Variants in OSBPL6 observed in about 807,000 individuals in gnomAD.
OSBPL6 encodes oxysterol binding protein like 6.
OSBPL6 carries 49 observed loss-of-function variants against 125.8 expected under a neutral mutation model. That is an observed-to-expected ratio of 0.39 (90% CI 0.31 to 0.49). The LOEUF (loss-of-function observed/expected upper bound fraction) is 0.49. OSBPL6 is among the 20% of genes least tolerant of loss of function. The probability of loss-of-function intolerance (pLI) is 0.88; values close to 1 mark genes in which losing one functional copy is unlikely to be tolerated. For missense variants in OSBPL6, 986 were observed against 1,135.4 expected, an observed-to-expected ratio of 0.87 and a Z score of 1.89; for synonymous variants, 394 against 391.8, an observed-to-expected ratio of 1.01 and a Z score of -0.07.
intron 1 of OSBPL6, among the ~76,000 whole-genome samples, chr2:178,227,127 A>G (rs964235822): frequency 1.3e-5 from 2 of 152,252 alleles, no homozygotes; most frequent in East Asian, 1.9e-4. Flanking sequence ...ACAACCCACT[A>G]GAAAAATGGA....
At chr2:178,288,948 C>T (rs1045214614) in intron 2 of OSBPL6, among the ~76,000 whole-genome samples, 1 of 151,406 alleles carries the variant, frequency 6.6e-6, no homozygotes, top group Non-Finnish European at 1.5e-5. Flanking sequence ...CCGTGCCCGG[C>T]CAGGGACGTT....
upstream of OSBPL6, among the ~76,000 whole-genome samples, chr2:178,194,021 G>T (rs117716086): frequency 7.9e-3 from 1,206 of 152,346 alleles, 24 homozygotes; most frequent in East Asian, 0.076. Flanking sequence ...CCAGGCAGCC[G>T]TTCCTTTCGG....
At chr2:178,378,562 C>T (rs1188098959) in intron 15 of OSBPL6, among the ~76,000 whole-genome samples, 2 of 152,204 alleles carry the variant, frequency 1.3e-5, no homozygotes, top group African/African-American at 4.8e-5. Flanking sequence ...ATGCTGCATG[C>T]CTGGTCACAT....
chr2:178,386,718 C>T (rs1020010976), intron 19 of OSBPL6, among the ~76,000 whole-genome samples: 1 of 124,178 alleles, frequency 8.1e-6, no homozygotes, highest in South Asian at 2.6e-4. Context: ...TGAATACACA[C>T]ACACAGACAC....
At chr2:178,223,919 T>C (rs1348617531) in intron 1 of OSBPL6, among the ~76,000 whole-genome samples, 1 of 152,230 alleles carries the variant, frequency 6.6e-6, no homozygotes, top group African/African-American at 2.4e-5. Flanking sequence ...GGTTGGCTAG[T>C]GTGACCTTCA....
chr2:178,261,437 T>C (rs540611452), intron 1 of OSBPL6, among the ~76,000 whole-genome samples: 28 of 145,578 alleles, frequency 1.9e-4, no homozygotes, highest in African/African-American at 6.2e-4. Flanking sequence ...GAGAACTAAC[T>C]AAAAAATGAT....
intron 15 of OSBPL6, among the ~76,000 whole-genome samples, chr2:178,378,982 C>T (rs1199414436): frequency 7.2e-5 from 11 of 151,864 alleles, no homozygotes; most frequent in Non-Finnish European, 4.4e-5. Context: ...CCGGGCAATA[C>T]AGGGAGCCCC....
Position 178,355,085 on chromosome 2 carries a change from C to G in OSBPL6, c.1153+5696C>G, listed in dbSNP as rs553865804. Among the ~76,000 whole-genome samples, 9 of 152,222 alleles carry G rather than the reference C, an allele frequency of 5.9e-5. No homozygotes were observed. The South Asian group carries it at 1.9e-3, about 32-fold the overall frequency. ...CAGAATCTCTGGGACACATTTAAAG[C>G]AGTATGTAGAGGGAAATTTATAGCA... is the stretch of plus-strand genomic sequence containing the variant. On this transcript the variant is annotated intron_variant, in intron 12 of 24. Coordinates refer to ENST00000190611, the MANE Select transcript of OSBPL6 (RefSeq NM_032523.4).
At chr2:178,373,847 C>T in intron 14 of OSBPL6, 43 bp from the exon 15 acceptor site, 3 of 1,607,314 alleles carry the variant, frequency 1.9e-6, no homozygotes, top group Non-Finnish European at 1.7e-6. Context: ...GCTATTCTAA[C>T]AGGGAGAAAA....
At chr2:178,293,512 TG>T (rs1226567270) in intron 2 of OSBPL6, among the ~76,000 whole-genome samples, 2 of 152,306 alleles carry the variant, frequency 1.3e-5, no homozygotes, top group South Asian at 2.1e-4. Flanking sequence ...GATTAATTTT[TG>T]TGGGTATGTA....
chr2:178,295,093 A>G (rs1265524027), intron 2 of OSBPL6, among the ~76,000 whole-genome samples: 3 of 152,130 alleles, frequency 2.0e-5, no homozygotes, highest in African/African-American at 4.8e-5. Flanking sequence ...TATCTTATTA[A>G]TATTTTTCAA....
chr2:178,302,801 GT>G (rs1478032421), intron 2 of OSBPL6, among the ~76,000 whole-genome samples: 3 of 152,170 alleles, frequency 2.0e-5, no homozygotes, highest in African/African-American at 7.2e-5. Context: ...TAGCATTGAT[GT>G]TAATGAAAAA....
intron 3 of OSBPL6, among the ~76,000 whole-genome samples, chr2:178,322,742 C>T (rs1353605192): frequency 6.6e-6 from 1 of 152,004 alleles, no homozygotes; most frequent in Admixed American, 6.6e-5. Flanking sequence ...ACGTTGGAAA[C>T]TTCTTTTCCT....
rs550705382 is a variant in OSBPL6, at chr2:178,229,883, ACT to A, written c.-351+35212_-351+35213del. On this transcript the variant is annotated intron_variant, in intron 1 of 24. Transcript: ENST00000190611. ...AAGAAATGCAAATAGCAACTCAGAC[ACT>A]CTGGATGTGGGCCCAGTCATCTGAG... is the stretch of plus-strand genomic sequence containing the variant. Among the ~76,000 whole-genome samples, 239 of 152,130 alleles carry A rather than the reference ACT, an allele frequency of 1.6e-3. 1 individual carries two copies. Among genetic ancestry groups the A allele is most frequent in the Non-Finnish European group, 2.9e-3 (200 of 67,990 alleles).
At chr2:178,375,039 C>A (rs1301077527) in intron 15 of OSBPL6, among the ~76,000 whole-genome samples, 2 of 152,164 alleles carry the variant, frequency 1.3e-5, no homozygotes, top group African/African-American at 4.8e-5. Context: ...CATTCACAGG[C>A]TGGAATGCTA....
At chr2:178,343,537 C>A (rs1690414747) in intron 11 of OSBPL6, among the ~76,000 whole-genome samples, 1 of 152,108 alleles carries the variant, frequency 6.6e-6, no homozygotes, top group Non-Finnish European at 1.5e-5. Flanking sequence ...CTGTAGGATT[C>A]TTCTACCGGT....
intron 1 of OSBPL6, among the ~76,000 whole-genome samples, chr2:178,198,614 T>G (rs925895939): frequency 2.9e-4 from 11 of 37,812 alleles, no homozygotes; most frequent in African/African-American, 7.2e-4. Context: ...CGAGACTCCA[T>G]CTCATAAATA....
At chr2:178,385,310 C>A (rs1694848178) in intron 18 of OSBPL6, 148 bp from the exon 19 acceptor site, 2 of 609,082 alleles carry the variant, frequency 3.3e-6, no homozygotes, top group Admixed American at 6.1e-5. Flanking sequence ...ATTATTTCCC[C>A]TCTAAATTGT....
intron 15 of OSBPL6, among the ~76,000 whole-genome samples, chr2:178,376,405 T>C (rs1693879292): frequency 6.6e-6 from 1 of 152,126 alleles, no homozygotes. Flanking sequence ...TCGGGTTCTA[T>C]AGCTTCCATC....
Sources: allele counts gnomAD v4.1 joint callset (sites outside exome capture counted in the v4.1 genomes callset), GRCh38; gene constraint gnomAD v4.1.1; transcripts MANE v1.5; gene names NCBI Gene and HGNC (gene_info 2026-07-23, HGNC 2026-07-21).